HIC1: variants seen among roughly 807,000 people sequenced by gnomAD.
The protein encoded by HIC1 is hypermethylated in cancer 1 protein.
Under a neutral mutation model 26.4 loss-of-function variants are expected in HIC1, and 9 were observed. That is an observed-to-expected ratio of 0.34 (90% CI 0.21 to 0.59). The LOEUF is 0.59. HIC1 is among the 20% of genes least tolerant of loss of function. The probability of loss-of-function intolerance (pLI) is 0.82; values close to 1 mark genes in which losing one functional copy is unlikely to be tolerated. For missense variants in HIC1, 965 were observed against 1,075.7 expected, an observed-to-expected ratio of 0.90 and a Z score of 1.44; for synonymous variants, 631 against 523.1, an observed-to-expected ratio of 1.21 and a Z score of -2.81.
Position 2,061,467 on chromosome 17 carries a change from G to GT in HIC1, c.*2632_*2633insT, listed in dbSNP as rs773744379. The GT allele has an allele frequency of 4.6e-4, 710 of 1,559,666 alleles. No homozygotes were observed. The highest frequency in any genetic ancestry group is 4.0e-4 in the Non-Finnish European group (460 of 1,151,430). ...GTGGCCTTTCAGGAACGGTTCCACG[G>GT]GGGGGGGGCCCCAGTGTGGCTCCCT... On this transcript the variant is annotated 3_prime_UTR_variant, in exon 2 of 2. Coordinates refer to ENST00000619757, the MANE Select transcript of HIC1 (RefSeq NM_006497.4).
In HIC1 at chr17:2,057,427, C is replaced by A. The variant is rs1034539312; in HGVS notation, c.737C>A (p.Pro246His). Residue 246 changes from proline (P) to histidine (H), a missense_variant, in exon 2 of 2, where the codon CCC (proline) becomes CAC (histidine). Physicochemically the swap from Pro to His is moderately conservative, Grantham distance 77. Coordinates refer to ENST00000619757, the MANE Select transcript of HIC1 (RefSeq NM_006497.4). Reference protein sequence around the residue: ...PERPLAERELPPRPDSPPSAG... With the variant: ...PERPLAERELHPRPDSPPSAG... ...CGGCCGCTGGCTGAGCGCGAGCTGC[C>A]CCCGCGCCCGGACAGCCCTCCCAGC... 9.7e-6 allele frequency: 14 copies of A among 1,440,892 alleles called. No individual in the cohort carries two copies. The highest frequency in any genetic ancestry group is 1.5e-5 in the African/African-American group (1 of 66,740). 89.3% of individuals were successfully genotyped at this position (1,440,892 alleles called of 1,614,324 possible).
Position 2,057,891 on chromosome 17 carries a change from C to G in HIC1, c.1201C>G (p.Pro401Ala), listed in dbSNP as rs576649513. The change falls in exon 2 of 2, where the codon CCA becomes GCA. Residue 401 changes from proline (P) to alanine (A), a missense_variant. Around this residue, in one of 6 missense-constraint regions of HIC1, gnomAD observed 526 missense variants for 525.0 expected, o/e 1.00. Transcript: ENST00000619757. ...SPPGGHLEGYPCPHLAYGEPE... is the reference protein window; with the variant it reads ...SPPGGHLEGYACPHLAYGEPE... Reference sequence around the variant, plus strand: ...GCCTGGCGGCCACCTCGAGGGCTACCCATGCCCGCACCTGGCCTATGGCGA... The same window carrying G: ...GCCTGGCGGCCACCTCGAGGGCTACGCATGCCCGCACCTGGCCTATGGCGA... 9 of 1,603,268 alleles carry G rather than the reference C, an allele frequency of 5.6e-6. No homozygotes were observed. The South Asian group carries it at 6.7e-5, about 12-fold the overall frequency.
intron 1 of HIC1, 49 bp from the exon 2 acceptor site, chr17:2,056,622 C>T (rs1417164087): frequency 2.7e-6 from 4 of 1,472,480 alleles, no homozygotes; most frequent in East Asian, 2.5e-5. Context: ...TGGGGCCAGG[C>T]GGCCAGGGCG....
rs1281923319 is a variant in HIC1 at position 2,055,606 on chromosome 17, C to T, written c.-21+368C>T. ...GCTGCCACCGCCGCGGGGAGGGGAG[C>T]CCGGCCCGCCGGGACCGCAGGTAAC... On this transcript the variant is annotated intron_variant, in intron 1 of 1. Transcript: ENST00000619757. The surrounding 1 kb of genome is among the most constrained non-coding windows in gnomAD (Gnocchi z 6.4). Among the ~76,000 whole-genome samples, 2 of 150,438 alleles carry T rather than the reference C, an allele frequency of 1.3e-5. No individual in the cohort carries two copies. Among genetic ancestry groups the T allele is most frequent in the African/African-American group, 4.9e-5 (2 of 41,022 alleles).
rs1272386680 is a variant in HIC1, at chr17:2,062,643, GGTCTACTC to G, written c.*3812_*3819del. ...CCCTGACAGGCCTGCTTGGGTGGCA[GGTCTACTC>G]GTCAGTCCCAGGCTGGGCATTTCCT... On this transcript the variant is annotated 3_prime_UTR_variant, in exon 2 of 2. Transcript: ENST00000619757. 6.6e-6 allele frequency: 1 copy of G among 152,224 alleles called. No homozygotes were observed. Among genetic ancestry groups the G allele is most frequent in the Non-Finnish European group, 1.5e-5 (1 of 68,066 alleles). The allele number at this position is 152,224 out of a possible 1,614,324, so 9.4% of individuals were successfully genotyped here. A position where few individuals can be genotyped will look rare whatever the true frequency, so the allele number is the denominator to read the frequency against.
In HIC1 at chr17:2,055,273, G is replaced by C. The variant is rs998815034; in HGVS notation, c.-21+35G>C. On this transcript the variant is annotated intron_variant, in intron 1 of 1. Transcript: ENST00000619757. The surrounding 1 kb of genome is among the most constrained non-coding windows in gnomAD (Gnocchi z 6.4). Reference sequence around the variant, plus strand: ...CGAGCCGGGGACCGGGAGGGACGGGGGACCCGGGACAGCCCGGTCCTCGTG... The same window carrying C: ...CGAGCCGGGGACCGGGAGGGACGGGCGACCCGGGACAGCCCGGTCCTCGTG... 8 of 152,132 alleles carry C rather than the reference G, an allele frequency of 5.3e-5. No homozygotes were observed. Among genetic ancestry groups the C allele is most frequent in the Non-Finnish European group, 1.2e-4 (8 of 68,008 alleles). The allele number at this position is 152,132 out of a possible 1,614,324, so 9.4% of individuals were successfully genotyped here. A position where few individuals can be genotyped will look rare whatever the true frequency, so the allele number is the denominator to read the frequency against.
rs1457258285 is a variant in HIC1 at position 2,057,641 on chromosome 17, G to C, written c.951G>C (p.Pro317=). 6.6e-7 allele frequency: 1 copy of C among 1,515,512 alleles called. No homozygotes were observed. Among genetic ancestry groups the C allele is most frequent in the South Asian group, 1.2e-5 (1 of 81,770 alleles). 93.9% of individuals were successfully genotyped at this position (1,515,512 alleles called of 1,614,324 possible). The change falls in exon 2 of 2, where the codon CCG becomes CCC. Residue 317 remains proline, a synonymous_variant. Coordinates refer to ENST00000619757, the MANE Select transcript of HIC1 (RefSeq NM_006497.4). Reference sequence around the variant, plus strand: ...TCTATCGCTGGATGAAGCACGAGCCGGGCCTGGGTAGCTATGGCGACGAGC... The same window carrying C: ...TCTATCGCTGGATGAAGCACGAGCCCGGCCTGGGTAGCTATGGCGACGAGC... ...SLLYRWMKHE[P]GLGSYGDELG...
chr17:2,061,410 G>A lies in HIC1; in HGVS notation c.*2575G>A, dbSNP rs1054305735. 1.3e-5 allele frequency: 18 copies of A among 1,375,100 alleles called. No individual in the cohort carries two copies. The highest frequency in any genetic ancestry group is 1.6e-5 in the Non-Finnish European group (16 of 1,013,666). 85.2% of individuals were successfully genotyped at this position (1,375,100 alleles called of 1,614,324 possible). ...CTGGGTGGATTGGTGGCTCAGGCAC[G>A]TGGGCATCTTCCGTGCTACACTGGG... is the stretch of plus-strand genomic sequence containing the variant. On this transcript the variant is annotated 3_prime_UTR_variant, in exon 2 of 2. Coordinates refer to ENST00000619757, the MANE Select transcript of HIC1 (RefSeq NM_006497.4).
At chr17:2,056,497 G>C in intron 1 of HIC1, 174 bp from the exon 2 acceptor site, 1 of 1,325,256 alleles carries the variant, frequency 7.5e-7, no homozygotes, top group Admixed American at 2.0e-5. Flanking sequence ...GTCCGGGCGG[G>C]CCGGCCTGGG....
At position 2,063,003 on chromosome 17, in the gene HIC1, T is replaced by G. The variant is rs1340765245; in HGVS notation, c.*4168T>G. On this transcript the variant is annotated 3_prime_UTR_variant, in exon 2 of 2. Transcript: ENST00000619757. ...AGGGGATACTCAGAGACTACTCAGC[T>G]GCCTGGGCCAGGCCCCTCTGCAGAT... 3 of 152,598 alleles carry G rather than the reference T, an allele frequency of 2.0e-5. No homozygotes were observed. 9.5% of individuals were successfully genotyped at this position (152,598 alleles called of 1,614,324 possible).
chr17:2,057,068 C>A lies in HIC1; in HGVS notation c.378C>A (p.Cys126Ter), dbSNP rs867560930. 2 of 1,435,800 alleles carry A rather than the reference C, an allele frequency of 1.4e-6. No individual in the cohort carries two copies. The highest frequency in any genetic ancestry group is 9.1e-7 in the Non-Finnish European group (1 of 1,101,810). The allele number at this position is 1,435,800 out of a possible 1,614,324, so 88.9% of individuals were successfully genotyped here. ...YLQIPDLVAL[C>*]KKRLKRHGKY... ...AGATCCCCGACCTCGTGGCGCTGTG[C>A]AAGAAACGCCTCAAGCGCCACGGCA... The change falls in exon 2 of 2, where the codon TGC (cysteine) becomes TGA (stop). Residue 126 changes from cysteine (C) to a stop codon, truncating the protein, a stop_gained. Transcript: ENST00000619757. LOFTEE classifies it low-confidence loss of function (END_TRUNC).
chr17:2,060,059 A>G lies in HIC1; in HGVS notation c.*1224A>G, dbSNP rs980140754. 6.5e-6 allele frequency: 1 copy of G among 152,762 alleles called. No homozygotes were observed. The highest frequency in any genetic ancestry group is 1.5e-5 in the Non-Finnish European group (1 of 68,518). The allele number at this position is 152,762 out of a possible 1,614,324, so 9.5% of individuals were successfully genotyped here. On this transcript the variant is annotated 3_prime_UTR_variant, in exon 2 of 2. Coordinates refer to ENST00000619757, the MANE Select transcript of HIC1 (RefSeq NM_006497.4). ...CCAAACTACTGGCCTTGGCTCCCCT[A>G]CACGGTACCCCATCGCTTCTGGCAT...
In HIC1 at chr17:2,056,721, T is replaced by G; in HGVS notation, c.31T>G (p.Ser11Ala). 6.2e-7 allele frequency: 1 copy of G among 1,609,008 alleles called. No individual in the cohort carries two copies. Among genetic ancestry groups the G allele is most frequent in the Non-Finnish European group, 8.5e-7 (1 of 1,177,820 alleles). Residue 11 changes from serine (S) to alanine (A), a missense_variant, in exon 2 of 2, where the codon TCC becomes GCC. Coordinates refer to ENST00000619757, the MANE Select transcript of HIC1 (RefSeq NM_006497.4). ...GGACACGATGGAGGCGCCCGGCCAC[T>G]CCAGGCAGCTGCTGCTGCAGCTCAA... MLDTMEAPGH[S>A]RQLLLQLNNQ...
chr17:2,058,562 C>T lies in HIC1; in HGVS notation c.1872C>T (p.Leu624=), dbSNP rs752288028. 6.5e-7 allele frequency: 1 copy of T among 1,550,100 alleles called. No homozygotes were observed. Among genetic ancestry groups the T allele is most frequent in the Non-Finnish European group, 8.7e-7 (1 of 1,155,708 alleles). Residue 624 remains leucine (L), a synonymous_variant, in exon 2 of 2, where the codon CTC becomes CTT. Transcript: ENST00000619757. ...GVPGPDGKGK[L]DFPEGVFAVA... is the part of the protein sequence containing the mutation. ...CCGGCCCCGACGGCAAGGGCAAGCT[C>T]GACTTCCCCGAGGGCGTCTTTGCTG...
rs1209258018 is a variant in HIC1, at chr17:2,057,202, C to G, written c.512C>G (p.Pro171Arg). 21 of 1,388,252 alleles carry G rather than the reference C, an allele frequency of 1.5e-5. No individual in the cohort carries two copies. In the East Asian group the frequency reaches 5.1e-4, roughly 34 times the overall value. The allele number at this position is 1,388,252 out of a possible 1,614,324, so 86.0% of individuals were successfully genotyped here. ...AATPVIQACY[P>R]SPVGPPPPPA... The stretch of plus-strand genomic sequence containing the variant: ...ACGCCGGTCATCCAGGCCTGCTACC[C>G]GTCCCCAGTCGGGCCTCCGCCGCCG... The change falls in exon 2 of 2, where the codon CCG becomes CGG. Residue 171 changes from proline to arginine, a missense_variant. By Grantham distance (103) the Pro-to-Arg change is moderately radical (BLOSUM62 -2). Coordinates refer to ENST00000619757, the MANE Select transcript of HIC1 (RefSeq NM_006497.4).
chr17:2,058,698 G>C lies in HIC1; in HGVS notation c.2008G>C (p.Glu670Gln). ...HFLHDPKVAL[E>Q]SLYPLAKFTA... Reference sequence around the variant, plus strand: ...CCTGCACGACCCCAAGGTGGCGCTGGAGAGCCTCTACCCGCTGGCCAAGTT... The same window carrying C: ...CCTGCACGACCCCAAGGTGGCGCTGCAGAGCCTCTACCCGCTGGCCAAGTT... Residue 670 changes from glutamate (E) to glutamine (Q), a missense_variant, in exon 2 of 2, where the codon GAG (glutamate) becomes CAG (glutamine). Coordinates refer to ENST00000619757, the MANE Select transcript of HIC1 (RefSeq NM_006497.4). 6.5e-7 allele frequency: 1 copy of C among 1,546,506 alleles called. No homozygotes were observed. The highest frequency in any genetic ancestry group is 8.7e-7 in the Non-Finnish European group (1 of 1,150,754).
In HIC1 at chr17:2,057,287, G is replaced by A. The variant is rs765701715; in HGVS notation, c.597G>A (p.Leu199=). Residue 199 remains leucine (L), a synonymous_variant, in exon 2 of 2, where the codon CTG becomes CTA. Coordinates refer to ENST00000619757, the MANE Select transcript of HIC1 (RefSeq NM_006497.4). ...EAAVNTHCAE[L]YASGPGPAAA... is the part of the protein sequence containing the mutation. ...CGGTCAACACGCACTGCGCCGAGCTGTACGCGTCGGGACCCGGCCCGGCCG... is the reference window on the plus strand; with the variant it reads ...CGGTCAACACGCACTGCGCCGAGCTATACGCGTCGGGACCCGGCCCGGCCG... 1.3e-5 allele frequency: 20 copies of A among 1,486,730 alleles called. No individual in the cohort carries two copies. The highest frequency in any genetic ancestry group is 1.8e-5 in the Non-Finnish European group (20 of 1,126,270). 92.1% of individuals were successfully genotyped at this position (1,486,730 alleles called of 1,614,324 possible). A position where few individuals can be genotyped will look rare whatever the true frequency, so the allele number is the denominator to read the frequency against.
At position 2,061,688 on chromosome 17, in the gene HIC1, C is replaced by T. The variant is rs2067784692; in HGVS notation, c.*2853C>T. On this transcript the variant is annotated 3_prime_UTR_variant, in exon 2 of 2. Coordinates refer to ENST00000619757, the MANE Select transcript of HIC1 (RefSeq NM_006497.4). ...GAGGCAGAGGGCTGGCTGCTCTTCT[C>T]ACCCTGGAGAATGTGGTCCTGGGGA... 2 of 1,518,898 alleles carry T rather than the reference C, an allele frequency of 1.3e-6. No homozygotes were observed. Among genetic ancestry groups the T allele is most frequent in the South Asian group, 1.2e-5 (1 of 83,156 alleles). The allele number at this position is 1,518,898 out of a possible 1,614,324, so 94.1% of individuals were successfully genotyped here. A position where few individuals can be genotyped will look rare whatever the true frequency, so the allele number is the denominator to read the frequency against.
chr17:2,057,539 G>A lies in HIC1; in HGVS notation c.849G>A (p.Pro283=), dbSNP rs2067684019. ...TCCAGAAGCTGGAGGAGGCCGCACC[G>A]CCTTCCGACCCATTTCGCGGCGGCA... is the stretch of plus-strand genomic sequence containing the variant. The part of the protein sequence containing the change: ...LPFQKLEEAA[P]PSDPFRGGSG... The change falls in exon 2 of 2, where the codon CCG becomes CCA. Residue 283 remains proline, a synonymous_variant. Transcript: ENST00000619757. The A allele has an allele frequency of 6.7e-7, 1 of 1,497,716 alleles. No homozygotes were observed. The highest frequency in any genetic ancestry group is 8.9e-7 in the Non-Finnish European group (1 of 1,129,038). 92.8% of individuals were successfully genotyped at this position (1,497,716 alleles called of 1,614,324 possible).
Sources: gnomAD v4.1 joint callset for allele counts (sites outside exome capture counted in the v4.1 genomes callset) on GRCh38, gnomAD v4.1.1 for gene constraint, gnomAD v4.1.1 regional missense constraint, Gnocchi (gnomAD v3.1) non-coding constraint, MANE v1.5 for transcripts, NCBI Gene and HGNC (gene_info 2026-07-23, HGNC 2026-07-21) for gene names.